The following KCNA2 variants were observed in gnomAD, a reference collection of about 807,000 sequenced individuals.
KCNA2 encodes potassium channel, voltage gated shaker related subfamily A, member 2.
In KCNA2, 11 loss-of-function variants were observed where a neutral mutation model predicts 33.4. The ratio of observed to expected loss-of-function variants is 0.33; its 90% CI spans 0.21 to 0.55. KCNA2 has a LOEUF of 0.55. Among genes scored for constraint, KCNA2 ranks in the 20% least tolerant of loss-of-function variants. The pLI is 0.93. For synonymous variants in KCNA2, 222 were observed against 231.3 expected (o/e 0.96, Z 0.37); for missense variants, 291 against 621.6 (o/e 0.47, Z 5.66).
rs1423237399 is a variant in KCNA2, at chr1:110,597,750, C to A, written c.*5533G>T. ...ATCTATCACTTTTCAGTCCTGAGAG[C>A]AAGATTTTGAAAGAGCTATTGCTAA... On this transcript the variant is annotated 3_prime_UTR_variant, in exon 3 of 3. Transcript: ENST00000316361. 4.1e-6 allele frequency: 4 copies of A among 985,144 alleles called. No homozygotes were observed. In the African/African-American group the frequency reaches 7.0e-5, roughly 17 times the overall value. 61.0% of individuals were successfully genotyped at this position (985,144 alleles called of 1,614,324 possible).
chr1:110,599,164 G>A lies in KCNA2; in HGVS notation c.*4119C>T. ...GGCTGCAGGAGCAGAAATCAGGAGT[G>A]AGGCCTGATCCAAAGCCTGACTGCA... On this transcript the variant is annotated 3_prime_UTR_variant, in exon 3 of 3. Transcript: ENST00000316361. 1.0e-6 allele frequency: 1 copy of A among 985,436 alleles called. No individual in the cohort carries two copies. Among genetic ancestry groups the A allele is most frequent in the Non-Finnish European group, 1.2e-6 (1 of 829,936 alleles). The allele number at this position is 985,436 out of a possible 1,614,324, so 61.0% of individuals were successfully genotyped here. A position where few individuals can be genotyped will look rare whatever the true frequency, so the allele number is the denominator to read the frequency against.
At chr1:110,623,784 T>A (rs1328823216) in intron 1 of KCNA2, among the ~76,000 whole-genome samples, 2 of 151,890 alleles carry the variant, frequency 1.3e-5, no homozygotes, top group Non-Finnish European at 2.9e-5. Context: ...AAAAACAAAT[T>A]TAAAAATGGG....
rs1319441153 is a variant in KCNA2, at chr1:110,601,041, T to C, written c.*2242A>G. 5.2e-5 allele frequency: 51 copies of C among 985,356 alleles called. No individual in the cohort carries two copies. Among genetic ancestry groups the C allele is most frequent in the Non-Finnish European group, 6.0e-5 (50 of 829,956 alleles). The allele number at this position is 985,356 out of a possible 1,614,324, so 61.0% of individuals were successfully genotyped here. ...CCAGTCTGGTGAGTTAAAAGCCCCC[T>C]ACCTGAAGCCATTTCAGGGTCAACC... On this transcript the variant is annotated 3_prime_UTR_variant, in exon 3 of 3. Transcript: ENST00000316361.
intron 1 of KCNA2, among the ~76,000 whole-genome samples, chr1:110,628,658 G>A (rs1478348204): frequency 3.9e-5 from 6 of 152,250 alleles, no homozygotes; most frequent in African/African-American, 7.2e-5. Context: ...TGGTTGAGGC[G>A]TCTCTGTAGA....
chr1:110,623,768 A>T (rs1234146854), intron 1 of KCNA2, among the ~76,000 whole-genome samples: 3 of 152,230 alleles, frequency 2.0e-5, no homozygotes, highest in Non-Finnish European at 4.4e-5. Context: ...TAACTCAGTA[A>T]AAAAGAAAAA....
chr1:110,630,009 CTTTTT>C (rs372364243), intron 1 of KCNA2, among the ~76,000 whole-genome samples: 2 of 115,210 alleles, frequency 1.7e-5, no homozygotes, highest in African/African-American at 3.8e-5. Context: ...GTGCTCTGTA[CTTTTT>C]TTTTTTTTTT....
chr1:110,615,967 T>G (rs1413395292), intron 1 of KCNA2, among the ~76,000 whole-genome samples: 1 of 152,178 alleles, frequency 6.6e-6, no homozygotes, highest in East Asian at 1.9e-4. Context: ...TGCAGGGACG[T>G]GCCTAAGGAA....
At chr1:110,612,122 T>C (rs1465241769) in intron 1 of KCNA2, among the ~76,000 whole-genome samples, 4 of 152,180 alleles carry the variant, frequency 2.6e-5, no homozygotes, top group Non-Finnish European at 5.9e-5. Flanking sequence ...GTTCAAGCAG[T>C]GTGCTCGTTG....
intron 1 of KCNA2, among the ~76,000 whole-genome samples, chr1:110,616,216 G>A (rs981277189): frequency 6.6e-6 from 1 of 152,192 alleles, no homozygotes; most frequent in Non-Finnish European, 1.5e-5. Context: ...AAGTCAGCCT[G>A]GAGAGATGGG....
Position 110,595,690 on chromosome 1 carries a change from A to G in KCNA2, c.*7593T>C. On this transcript the variant is annotated 3_prime_UTR_variant, in exon 3 of 3. Transcript: ENST00000316361. ...AGTGATGTGTACAGCTTACCCCCAA[A>G]GAGGCAACTGAATTTCAGCTGCTCT... is the stretch of plus-strand genomic sequence containing the variant. 1.0e-6 allele frequency: 1 copy of G among 985,450 alleles called. No homozygotes were observed. Among genetic ancestry groups the G allele is most frequent in the Non-Finnish European group, 1.2e-6 (1 of 829,938 alleles). The allele number at this position is 985,450 out of a possible 1,614,324, so 61.0% of individuals were successfully genotyped here.
Position 110,599,030 on chromosome 1 carries a change from C to T in KCNA2, c.*4253G>A, listed in dbSNP as rs1649224498. 2.5e-5 allele frequency: 25 copies of T among 985,282 alleles called. No homozygotes were observed. Among genetic ancestry groups the T allele is most frequent in the Non-Finnish European group, 2.8e-5 (23 of 829,840 alleles). 61.0% of individuals were successfully genotyped at this position (985,282 alleles called of 1,614,324 possible). Reference sequence around the variant, plus strand: ...TTGACCTGGAAACACAAGTTTCCAGCAAAGCACACGTTTTGGACCCATATG... The same window carrying T: ...TTGACCTGGAAACACAAGTTTCCAGTAAAGCACACGTTTTGGACCCATATG... On this transcript the variant is annotated 3_prime_UTR_variant, in exon 3 of 3. Transcript: ENST00000316361.
chr1:110,602,146 T>C lies in KCNA2; in HGVS notation c.*1137A>G. ...AGATGCTGCCTTCCCCGCTTACTCT[T>C]CTGGCTTTGCAGAGGTCTGCGTTCC... On this transcript the variant is annotated 3_prime_UTR_variant, in exon 3 of 3. Coordinates refer to ENST00000316361, the MANE Select transcript of KCNA2 (RefSeq NM_004974.4). 6.4e-7 allele frequency: 1 copy of C among 1,550,564 alleles called. No homozygotes were observed. Among genetic ancestry groups the C allele is most frequent in the African/African-American group, 1.4e-5 (1 of 73,158 alleles).
Position 110,595,849 on chromosome 1 carries a change from A to G in KCNA2, c.*7434T>C. 1.0e-6 allele frequency: 1 copy of G among 985,470 alleles called. No homozygotes were observed. The highest frequency in any genetic ancestry group is 1.7e-5 in the African/African-American group (1 of 57,384). 61.0% of individuals were successfully genotyped at this position (985,470 alleles called of 1,614,324 possible). A position where few individuals can be genotyped will look rare whatever the true frequency, so the allele number is the denominator to read the frequency against. On this transcript the variant is annotated 3_prime_UTR_variant, in exon 3 of 3. Coordinates refer to ENST00000316361, the MANE Select transcript of KCNA2 (RefSeq NM_004974.4). ...AGTTCTTCATTGGAATGTTACTTTCAGATCTCACAAACCTCAAACCTAGGG... is the reference window on the plus strand; with the variant it reads ...AGTTCTTCATTGGAATGTTACTTTCGGATCTCACAAACCTCAAACCTAGGG...
chr1:110,621,399 A>T (rs1650254847), intron 1 of KCNA2, among the ~76,000 whole-genome samples: 2 of 152,256 alleles, frequency 1.3e-5, no homozygotes, highest in Non-Finnish European at 2.9e-5. Context: ...TGCTTATATT[A>T]GAAAAGAAGA....
rs1472926028 is a variant in KCNA2 at position 110,601,750 on chromosome 1, G to T, written c.*1533C>A. On this transcript the variant is annotated 3_prime_UTR_variant, in exon 3 of 3. Coordinates refer to ENST00000316361, the MANE Select transcript of KCNA2 (RefSeq NM_004974.4). Reference sequence around the variant, plus strand: ...AGCCAACCCACCAAGCAGTGGATTTGCTCCTGAACCTGAACTCCAGAAAAT... The same window carrying T: ...AGCCAACCCACCAAGCAGTGGATTTTCTCCTGAACCTGAACTCCAGAAAAT... 2 of 1,186,322 alleles carry T rather than the reference G, an allele frequency of 1.7e-6. No individual in the cohort carries two copies. The highest frequency in any genetic ancestry group is 2.1e-6 in the Non-Finnish European group (2 of 961,926). The allele number at this position is 1,186,322 out of a possible 1,614,324, so 73.5% of individuals were successfully genotyped here. A position where few individuals can be genotyped will look rare whatever the true frequency, so the allele number is the denominator to read the frequency against.
chr1:110,598,203 A>T lies in KCNA2; in HGVS notation c.*5080T>A. On this transcript the variant is annotated 3_prime_UTR_variant, in exon 3 of 3. Transcript: ENST00000316361. Reference sequence around the variant, plus strand: ...GCACCATGGATATTATAGCCCTCGCAGATGAGGCGGCCATCACCCACATAC... The same window carrying T: ...GCACCATGGATATTATAGCCCTCGCTGATGAGGCGGCCATCACCCACATAC... 1 of 548,214 alleles carries T rather than the reference A, an allele frequency of 1.8e-6. No individual in the cohort carries two copies. Among genetic ancestry groups the T allele is most frequent in the Non-Finnish European group, 2.3e-6 (1 of 430,636 alleles). The allele number at this position is 548,214 out of a possible 1,614,324, so 34.0% of individuals were successfully genotyped here.
At position 110,599,813 on chromosome 1, in the gene KCNA2, G is replaced by A. The variant is rs750564402; in HGVS notation, c.*3470C>T. ...GGGAGAAGGGGAGCCTGGGCTATTGGGTTGTCTGTGCGGATTTGCTGGAAG... is the reference window on the plus strand; with the variant it reads ...GGGAGAAGGGGAGCCTGGGCTATTGAGTTGTCTGTGCGGATTTGCTGGAAG... On this transcript the variant is annotated 3_prime_UTR_variant, in exon 3 of 3. Coordinates refer to ENST00000316361, the MANE Select transcript of KCNA2 (RefSeq NM_004974.4). 2.3e-5 allele frequency: 23 copies of A among 985,454 alleles called. No individual in the cohort carries two copies. The highest frequency in any genetic ancestry group is 2.1e-4 in the African/African-American group (12 of 57,206). The allele number at this position is 985,454 out of a possible 1,614,324, so 61.0% of individuals were successfully genotyped here. A position where few individuals can be genotyped will look rare whatever the true frequency, so the allele number is the denominator to read the frequency against.
Position 110,601,467 on chromosome 1 carries a change from T to C in KCNA2, c.*1816A>G. 1 of 985,558 alleles carries C rather than the reference T, an allele frequency of 1.0e-6. No homozygotes were observed. The highest frequency in any genetic ancestry group is 1.7e-5 in the African/African-American group (1 of 57,342). 61.1% of individuals were successfully genotyped at this position (985,558 alleles called of 1,614,324 possible). ...AGGGAAGAGGTGAAAATGGAGATGA[T>C]GAACAGGATGAACTGTAGAGAGGAG... is the stretch of plus-strand genomic sequence containing the variant. On this transcript the variant is annotated 3_prime_UTR_variant, in exon 3 of 3. Coordinates refer to ENST00000316361, the MANE Select transcript of KCNA2 (RefSeq NM_004974.4).
chr1:110,603,775 G>A lies in KCNA2; in HGVS notation c.1008C>T (p.Phe336=). ...CACTAGAGAAAAGGATGACCCCTAT[G>A]AAGAGAAAGAATATCAGGAGGCCCA... ...RELGLLIFFL[F]IGVILFSSAV... The change falls in exon 3 of 3, where the codon TTC becomes TTT. Residue 336 remains phenylalanine (F), a synonymous_variant. Coordinates refer to ENST00000316361, the MANE Select transcript of KCNA2 (RefSeq NM_004974.4). This position sits in a 1 kb window ranked among gnomAD's most constrained non-coding sequence, Gnocchi z 5.7. The A allele has an allele frequency of 6.2e-7, 1 of 1,613,938 alleles. No homozygotes were observed. The highest frequency in any genetic ancestry group is 8.5e-7 in the Non-Finnish European group (1 of 1,180,046).
Sources: allele counts gnomAD v4.1 joint callset (sites outside exome capture counted in the v4.1 genomes callset), GRCh38; gene constraint gnomAD v4.1.1; non-coding constraint Gnocchi (gnomAD v3.1); transcripts MANE v1.5; gene names NCBI Gene and HGNC (gene_info 2026-07-23, HGNC 2026-07-21).